Variants in PHF21B observed in about 807,000 individuals in gnomAD.
PHF21B encodes PHD finger protein 4.
In PHF21B, 22 loss-of-function variants were observed where a neutral mutation model predicts 62.2. The ratio of observed to expected loss-of-function variants is 0.35; its 90% CI spans 0.25 to 0.51. PHF21B has a LOEUF of 0.51. PHF21B is among the 20% of genes least tolerant of loss of function. The probability of loss-of-function intolerance (pLI) is 0.97; values close to 1 mark genes in which losing one functional copy is unlikely to be tolerated. For synonymous variants in PHF21B, 341 were observed against 314.7 expected (o/e 1.08, Z -0.88); for missense variants, 701 against 707.9 (o/e 0.99, Z 0.11).
At chr22:44,887,389 T>C (rs2070878214) in intron 10 of PHF21B, among the ~76,000 whole-genome samples, 6 of 152,128 alleles carry the variant, frequency 3.9e-5, no homozygotes, top group Admixed American at 2.0e-4. Context: ...TCTTTATAAT[T>C]CCATATAGTG....
At chr22:44,965,734 C>T (rs1465373871) in intron 2 of PHF21B, among the ~76,000 whole-genome samples, 2 of 152,330 alleles carry the variant, frequency 1.3e-5, no homozygotes, top group African/African-American at 4.8e-5. Flanking sequence ...ACACTGCCCA[C>T]TGGCTGGGAA....
At chr22:44,896,608 T>C (rs1487605836) in intron 5 of PHF21B, among the ~76,000 whole-genome samples, 1 of 152,230 alleles carries the variant, frequency 6.6e-6, no homozygotes, top group Non-Finnish European at 1.5e-5. Flanking sequence ...CTTTCATGGC[T>C]GTCCTTCATT....
At chr22:44,915,779 G>C (rs1474237781) in intron 4 of PHF21B, among the ~76,000 whole-genome samples, 1 of 152,212 alleles carries the variant, frequency 6.6e-6, no homozygotes, top group Non-Finnish European at 1.5e-5. Flanking sequence ...CAACCACCAG[G>C]AGCTCGGAGG....
intron 5 of PHF21B, 90 bp from the exon 6 acceptor site, chr22:44,896,173 C>A (rs3752468): frequency 6.9e-7 from 1 of 1,442,644 alleles, no homozygotes. Flanking sequence ...AGGTGCAGGG[C>A]GATACCTCAT....
chr22:44,946,333 A>G (rs1240539836), intron 2 of PHF21B, among the ~76,000 whole-genome samples: 3 of 151,868 alleles, frequency 2.0e-5, no homozygotes, highest in Non-Finnish European at 2.9e-5. Context: ...CTCTACCAGC[A>G]CCTTCTATGC....
chr22:45,008,864 C>T lies in PHF21B; in HGVS notation c.55-254G>A, dbSNP rs544378679. The T allele has an allele frequency of 5.1e-6, 6 of 1,180,248 alleles. 1 individual carries two copies. The South Asian group carries it at 2.5e-4, about 50-fold the overall frequency. 73.1% of individuals were successfully genotyped at this position (1,180,248 alleles called of 1,614,324 possible). ...GCCGAGGCCACCCGGCGGCGCGCCCCGAGCCGTGCAAGTTTGCAGGCCGGG... is the reference window on the plus strand; with the variant it reads ...GCCGAGGCCACCCGGCGGCGCGCCCTGAGCCGTGCAAGTTTGCAGGCCGGG... On this transcript the variant is annotated intron_variant, in intron 1 of 12. Transcript: ENST00000313237.
chr22:44,973,964 C>T (rs1471861471), intron 2 of PHF21B, among the ~76,000 whole-genome samples: 1 of 152,178 alleles, frequency 6.6e-6, no homozygotes, highest in African/African-American at 2.4e-5. Flanking sequence ...AGAAACAACA[C>T]TAGGGGCGTA....
intron 2 of PHF21B, among the ~76,000 whole-genome samples, chr22:44,958,120 C>A (rs1365166413): frequency 6.6e-6 from 1 of 152,150 alleles, no homozygotes; most frequent in Non-Finnish European, 1.5e-5. Flanking sequence ...TCAGGCTGGT[C>A]TCGAACTCCC....
rs928368409 is a variant in PHF21B, at chr22:44,985,615, T to A, written c.120+22930A>T. ...CCATCTCTCAAAAGAAAAAAAAAAA[T>A]GAAGAAAAAAGAAAAACAACTCTAG... On this transcript the variant is annotated intron_variant, in intron 2 of 12. Transcript: ENST00000313237. Among the ~76,000 whole-genome samples the A allele has an allele frequency of 1.1e-3, 163 of 149,628 alleles. 1 individual carries two copies. The highest frequency in any genetic ancestry group is 3.8e-3 in the African/African-American group (156 of 40,712).
chr22:44,982,443 G>A (rs922778116), intron 2 of PHF21B, among the ~76,000 whole-genome samples: 7 of 152,060 alleles, frequency 4.6e-5, no homozygotes, highest in East Asian at 1.9e-4. Context: ...CCTGGGGCTC[G>A]GAAAGTCATC....
chr22:44,986,050 C>T (rs1297312217), intron 2 of PHF21B, among the ~76,000 whole-genome samples: 1 of 151,512 alleles, frequency 6.6e-6, no homozygotes, highest in Non-Finnish European at 1.5e-5. Context: ...ACCACCACCA[C>T]TACCATCACA....
intron 2 of PHF21B, among the ~76,000 whole-genome samples, chr22:44,970,765 C>T (rs1569264117): frequency 6.6e-6 from 1 of 152,134 alleles, no homozygotes; most frequent in East Asian, 1.9e-4. Context: ...AAATTTAACT[C>T]TAAGCTCTTT....
intron 5 of PHF21B, among the ~76,000 whole-genome samples, chr22:44,904,365 C>T (rs183151864): frequency 6.6e-6 from 1 of 152,162 alleles, no homozygotes. Flanking sequence ...TTCTTATACC[C>T]ACTGGCTGTC....
rs753262504 is a variant in PHF21B at position 44,930,126 on chromosome 22, C to T, written c.121-9636G>A. Among the ~76,000 whole-genome samples the T allele has an allele frequency of 1.6e-4, 25 of 152,356 alleles. No homozygotes were observed. In the Middle Eastern group the frequency reaches 0.01, roughly 62 times the overall value. On this transcript the variant is annotated intron_variant, in intron 2 of 12. Coordinates refer to ENST00000313237, the MANE Select transcript of PHF21B (RefSeq NM_138415.5). The stretch of plus-strand genomic sequence containing the variant: ...TGAACAACACGAGCACCTGCGTCTG[C>T]GCACAGCCTGACTCCATCCGCTCAG...
intron 2 of PHF21B, among the ~76,000 whole-genome samples, chr22:44,948,009 C>CCCTCCTCCCCGCTGTTGTT: frequency 6.6e-6 from 1 of 152,084 alleles, no homozygotes; most frequent in Non-Finnish European, 1.5e-5. Flanking sequence ...CCGCTGTTGT[C>CCCTCCTCCCCGCTGTTGTT]CCTCCTCCCC....
intron 2 of PHF21B, among the ~76,000 whole-genome samples, chr22:44,996,940 G>A (rs1343450265): frequency 2.6e-5 from 4 of 152,042 alleles, no homozygotes; most frequent in African/African-American, 9.7e-5. Context: ...ACGCGCACAT[G>A]CACATCGCTT....
At chr22:44,990,479 C>T (rs1440455156) in intron 2 of PHF21B, among the ~76,000 whole-genome samples, 1 of 152,170 alleles carries the variant, frequency 6.6e-6, no homozygotes, top group Non-Finnish European at 1.5e-5. Flanking sequence ...AACGCACAGC[C>T]TGAAAAAGGA....
chr22:44,883,928 C>T (rs965341494), intron 12 of PHF21B, among the ~76,000 whole-genome samples: 4 of 152,158 alleles, frequency 2.6e-5, no homozygotes, highest in African/African-American at 4.8e-5. Context: ...CCGCTACCAT[C>T]ACCATCCTCT....
At chr22:45,008,929 G>T in intron 1 of PHF21B, 2 of 1,113,798 alleles carry the variant, frequency 1.8e-6, no homozygotes, top group Non-Finnish European at 2.2e-6. Context: ...TGTGTGCCGG[G>T]GGAGGGGGGA....
Sources: gnomAD v4.1 joint callset for allele counts (sites outside exome capture counted in the v4.1 genomes callset) on GRCh38, gnomAD v4.1.1 for gene constraint, MANE v1.5 for transcripts, NCBI Gene and HGNC (gene_info 2026-07-23, HGNC 2026-07-21) for gene names.